Variants in PPIL3 observed in about 807,000 individuals in gnomAD.
PPIL3 encodes peptidylprolyl isomerase like 3.
Under a neutral mutation model 20.9 loss-of-function variants are expected in PPIL3, and 13 were observed. That is an observed-to-expected ratio of 0.62 (90% CI 0.40 to 0.99). The LOEUF (loss-of-function observed/expected upper bound fraction) is 0.99, where lower values mean the gene tolerates loss of function less well. PPIL3 is among the 50% of genes least tolerant of loss of function. PPIL3 has a pLI of 0.00. For missense variants in PPIL3, 170 were observed against 195.2 expected (o/e 0.87, Z 0.77); for synonymous variants, 71 against 64.4 (o/e 1.10, Z -0.49).
chr2:200,882,904 A>C (rs1272067345), intron 3 of PPIL3, among the ~76,000 whole-genome samples: 5 of 151,266 alleles, frequency 3.3e-5, no homozygotes, highest in Non-Finnish European at 7.4e-5. Context: ...TCAAAAAAAA[A>C]AAAAAACAAC....
At chr2:200,877,696 A>C (rs1326759493) in intron 5 of PPIL3, 1 of 152,222 alleles carries the variant, frequency 6.6e-6, no homozygotes, top group Non-Finnish European at 1.5e-5. Flanking sequence ...AATTGGGCAG[A>C]ATGTAAACAT....
chr2:200,885,929 G>A (rs1356290605), intron 2 of PPIL3, among the ~76,000 whole-genome samples, 157 bp from the exon 3 acceptor site: 2 of 152,134 alleles, frequency 1.3e-5, no homozygotes, highest in African/African-American at 4.8e-5. Context: ...GCTCTTAGAG[G>A]TTAAGTTGTA....
intron 3 of PPIL3, among the ~76,000 whole-genome samples, chr2:200,884,020 G>A (rs1249188575): frequency 6.6e-6 from 1 of 152,142 alleles, no homozygotes; most frequent in Non-Finnish European, 1.5e-5. Flanking sequence ...CCAAAGTGCT[G>A]GAATTATAGA....
At chr2:200,887,505 T>C (rs2039984849) in intron 2 of PPIL3, 108 bp downstream of exon 2, 5 of 712,992 alleles carry the variant, frequency 7.0e-6, no homozygotes, top group Non-Finnish European at 1.2e-5. Flanking sequence ...TATTATACAA[T>C]TTCTCCATCT....
intron 1 of PPIL3, 98 bp downstream of exon 1, chr2:200,888,858 G>C (rs1250144847): frequency 1.1e-5 from 5 of 460,718 alleles, no homozygotes; most frequent in Non-Finnish European, 2.3e-5. Flanking sequence ...GCCGCCCACT[G>C]TTCACTCGCA....
At chr2:200,872,462 A>G (rs1323891272) in intron 6 of PPIL3, among the ~76,000 whole-genome samples, 1 of 152,056 alleles carries the variant, frequency 6.6e-6, no homozygotes, top group African/African-American at 2.4e-5. Context: ...CTGGAACTCA[A>G]TCTCCAGCCC....
intron 6 of PPIL3, among the ~76,000 whole-genome samples, chr2:200,875,391 C>T (rs138860166): frequency 0.012 from 1,810 of 152,158 alleles, 16 homozygotes; most frequent in Non-Finnish European, 0.016. Flanking sequence ...CCTCAGCTTC[C>T]TGAGTAGCTG....
intron 6 of PPIL3, among the ~76,000 whole-genome samples, chr2:200,874,009 T>A (rs1016301694): frequency 4.0e-5 from 6 of 151,106 alleles, no homozygotes; most frequent in Non-Finnish European, 8.9e-5. Flanking sequence ...ATTGAGACCA[T>A]CCTGGCTAAC....
At chr2:200,877,320 C>CT (rs759334199) in intron 5 of PPIL3, among the ~76,000 whole-genome samples, 136 of 152,348 alleles carry the variant, frequency 8.9e-4, no homozygotes, top group Non-Finnish European at 1.7e-3. Context: ...TAACCAACTT[C>CT]TCTCTATTAG....
chr2:200,885,628 G>C, intron 3 of PPIL3, 70 bp downstream of exon 3: 1 of 992,054 alleles, frequency 1.0e-6, no homozygotes, highest in South Asian at 1.4e-5. Context: ...ATTTAGGTTA[G>C]ATTATTCAAT....
At chr2:200,883,291 G>A (rs889900835) in intron 3 of PPIL3, among the ~76,000 whole-genome samples, 3 of 151,704 alleles carry the variant, frequency 2.0e-5, no homozygotes, top group Admixed American at 2.0e-4. Flanking sequence ...AACCTTTTCT[G>A]AATCTGAATA....
intron 6 of PPIL3, among the ~76,000 whole-genome samples, chr2:200,874,120 G>C (rs921585392): frequency 6.6e-6 from 1 of 151,126 alleles, no homozygotes; most frequent in South Asian, 2.1e-4. Context: ...CAGGAGAATG[G>C]CGTGAACCCA....
intron 3 of PPIL3, among the ~76,000 whole-genome samples, chr2:200,883,346 T>C (rs2039810108): frequency 6.6e-6 from 1 of 151,956 alleles, no homozygotes; most frequent in South Asian, 2.1e-4. Context: ...GATGCCCTCA[T>C]ACCTTTGCAT....
At chr2:200,882,261 C>A in intron 4 of PPIL3, 81 bp downstream of exon 4, 8 of 927,426 alleles carry the variant, frequency 8.6e-6, no homozygotes, top group Non-Finnish European at 1.4e-5. Flanking sequence ...AAAAACTCCA[C>A]GTATTTAATT....
intron 5 of PPIL3, among the ~76,000 whole-genome samples, chr2:200,877,238 G>T (rs566694127): frequency 6.6e-6 from 1 of 152,232 alleles, no homozygotes; most frequent in African/African-American, 2.4e-5. Flanking sequence ...GGGATTACAG[G>T]TGTGAATCAG....
Position 200,877,032 on chromosome 2 carries a change from A to G in PPIL3, c.246T>C (p.Asn82=), listed in dbSNP as rs780550733. ...TAGCCATAGATACAACACCTCTAAC[A>G]TTGTGCTGAAAAAGACACATCAAAG... ...EDEYSEYLKH[N]VRGVVSMANN... The change falls in exon 6 of 7, where the codon AAT becomes AAC. Residue 82 remains asparagine (N), a synonymous_variant. Coordinates refer to ENST00000392283, the MANE Select transcript of PPIL3 (RefSeq NM_130906.3). 1.3e-6 allele frequency: 2 copies of G among 1,592,438 alleles called. No homozygotes were observed. The highest frequency in any genetic ancestry group is 8.6e-7 in the Non-Finnish European group (1 of 1,160,444).
rs377510924 is a variant in PPIL3 at position 200,876,556 on chromosome 2, C to T, written c.359+363G>A. ...TTTTTGAGGCAGAGTCTCACTCTGTCGCCCAGGCTGGAGTGCAATGGCATG... is the reference window on the plus strand; with the variant it reads ...TTTTTGAGGCAGAGTCTCACTCTGTTGCCCAGGCTGGAGTGCAATGGCATG... On this transcript the variant is annotated intron_variant, in intron 6 of 6. Coordinates refer to ENST00000392283, the MANE Select transcript of PPIL3 (RefSeq NM_130906.3). Among the ~76,000 whole-genome samples the T allele has an allele frequency of 9.8e-3, 1,415 of 144,906 alleles. 19 individuals are homozygous for T. The highest frequency in any genetic ancestry group is 0.034 in the African/African-American group (1,344 of 38,998).
chr2:200,880,336 A>G (rs1406838108), intron 5 of PPIL3, among the ~76,000 whole-genome samples: 1 of 152,064 alleles, frequency 6.6e-6, no homozygotes, highest in Non-Finnish European at 1.5e-5. Context: ...TTTTTTTCAG[A>G]ATTTTTGTGG....
At position 200,874,183 on chromosome 2, in the gene PPIL3, C is replaced by G. The variant is rs536779680; in HGVS notation, c.360-2662G>C. On this transcript the variant is annotated intron_variant, in intron 6 of 6. Transcript: ENST00000392283. ...TGGCGCCACTGCATTCCAGCCTGGG[C>G]GACAGAGTGAGACTCTGTCTCAAAA... Among the ~76,000 whole-genome samples the G allele has an allele frequency of 3.0e-5, 4 of 132,586 alleles. No homozygotes were observed. The East Asian group carries it at 8.5e-4, about 28-fold the overall frequency. The allele number at this position is 132,586 out of a possible 152,430, so 87.0% of individuals were successfully genotyped here. A position where few individuals can be genotyped will look rare whatever the true frequency, so the allele number is the denominator to read the frequency against.
Sources: gnomAD v4.1 joint callset for allele counts (sites outside exome capture counted in the v4.1 genomes callset) on GRCh38, gnomAD v4.1.1 for gene constraint, MANE v1.5 for transcripts, NCBI Gene and HGNC (gene_info 2026-07-23, HGNC 2026-07-21) for gene names.